Variants in TIAM2 observed in about 807,000 individuals in gnomAD.
TIAM2 encodes TIAM Rac1 associated GEF 2.
TIAM2 carries 80 observed loss-of-function variants against 152.9 expected under a neutral mutation model. The observed-to-expected ratio is 0.52, with a 90% CI of 0.44 to 0.63. The LOEUF is 0.63. TIAM2 is among the 30% of genes least tolerant of loss of function. The pLI is 0.00. For synonymous variants in TIAM2, 804 were observed against 838.0 expected (o/e 0.96, Z 0.70); for missense variants, 1,965 against 2,120.1 (o/e 0.93, Z 1.44).
intron 15 of TIAM2, chr6:155,232,792 T>C (rs1291572258): frequency 6.6e-6 from 1 of 152,204 alleles, no homozygotes; most frequent in Non-Finnish European, 1.5e-5. Context: ...CGTGGCAGTC[T>C]CTTTCCTAGT....
Position 155,163,581 on chromosome 6 carries a change from A to G in TIAM2, c.2029-834A>G, listed in dbSNP as rs143009486. ...GTACAGATGGCAGTTATTCTCCAAG[A>G]TACTTACTTAGGAGTATACTCAGTA... On this transcript the variant is annotated intron_variant, in intron 7 of 26. Transcript: ENST00000682666. Among the ~76,000 whole-genome samples, 5 of 152,310 alleles carry G rather than the reference A, an allele frequency of 3.3e-5. No individual in the cohort carries two copies. In the East Asian group the frequency reaches 9.6e-4, roughly 29 times the overall value.
At chr6:155,232,308 T>A (rs1484345179) in intron 15 of TIAM2, among the ~76,000 whole-genome samples, 2 of 152,170 alleles carry the variant, frequency 1.3e-5, no homozygotes, top group Non-Finnish European at 2.9e-5. Context: ...CTTTTCTGAC[T>A]TAATGAATTT....
intron 12 of TIAM2, among the ~76,000 whole-genome samples, chr6:155,181,509 T>C (rs1315042934): frequency 2.6e-5 from 4 of 152,252 alleles, no homozygotes; most frequent in Non-Finnish European, 5.9e-5. Flanking sequence ...TGACCACTTT[T>C]AGGTGTACAG....
At chr6:155,038,041 A>G (rs1776954335) in intron 1 of TIAM2, among the ~76,000 whole-genome samples, 2 of 152,108 alleles carry the variant, frequency 1.3e-5, no homozygotes, top group African/African-American at 4.8e-5. Context: ...AGAGTTTAAG[A>G]TTTTCCTTCT....
At chr6:155,249,597 T>TA (rs1170189363) in intron 20 of TIAM2, among the ~76,000 whole-genome samples, 16 of 152,344 alleles carry the variant, frequency 1.1e-4, no homozygotes, top group Non-Finnish European at 1.5e-5. Context: ...TGTCAGTTGT[T>TA]GTTATTAGTG....
At chr6:155,173,432 T>G (rs1442968664) in intron 9 of TIAM2, among the ~76,000 whole-genome samples, 1 of 152,218 alleles carries the variant, frequency 6.6e-6, no homozygotes, top group Non-Finnish European at 1.5e-5. Flanking sequence ...CTTTTGTCCT[T>G]CCATCCTTCC....
rs564432220 is a variant in TIAM2, at chr6:155,228,815, G to A, written c.3169-11715G>A. ...GCCCGACGCTCCTCCTGTTCCCACC[G>A]CTCTGGCACCAGCTGCTCAGTTGCT... On this transcript the variant is annotated intron_variant, in intron 15 of 26. Transcript: ENST00000682666. 3.9e-4 allele frequency among the ~76,000 whole-genome samples: 59 copies of A among 152,278 alleles called. 1 individual carries two copies. The highest frequency in any genetic ancestry group is 1.3e-3 in the African/African-American group (56 of 41,554).
At chr6:155,004,646 G>A (rs139453007) in intron 1 of TIAM2, among the ~76,000 whole-genome samples, 7,902 of 152,108 alleles carry the variant, frequency 0.052, 621 homozygotes, top group African/African-American at 0.17. Flanking sequence ...TGCCCGCCTC[G>A]GTCTCCCAAA....
At chr6:155,100,550 C>G (rs2114992150) in intron 2 of TIAM2, among the ~76,000 whole-genome samples, 1 of 152,274 alleles carries the variant, frequency 6.6e-6, no homozygotes, top group South Asian at 2.1e-4. Context: ...ACTGTCACCT[C>G]CCATTCATTA....
chr6:155,105,139 G>A (rs960751562), intron 2 of TIAM2, among the ~76,000 whole-genome samples: 1 of 151,884 alleles, frequency 6.6e-6, no homozygotes, highest in Admixed American at 6.6e-5. Flanking sequence ...TGTATTTTTA[G>A]TAGAGATGGG....
At position 155,106,150 on chromosome 6, in the gene TIAM2, G is replaced by A. The variant is rs559505792; in HGVS notation, c.-118+15771G>A. On this transcript the variant is annotated intron_variant, in intron 2 of 26. Coordinates refer to ENST00000682666, the MANE Select transcript of TIAM2 (RefSeq NM_012454.4). ...CTCCTGAGTAGCTGGGATTACAGGC[G>A]TGTATCACCACACCTGGCTAATTTT... Among the ~76,000 whole-genome samples, 10 of 151,900 alleles carry A rather than the reference G, an allele frequency of 6.6e-5. No individual in the cohort carries two copies. The South Asian group carries it at 1.2e-3, about 19-fold the overall frequency.
chr6:155,164,133 G>GTTTTTTTTTTTTTTGTTTTTT (rs375238178), intron 7 of TIAM2, among the ~76,000 whole-genome samples: 1 of 118,004 alleles, frequency 8.5e-6, no homozygotes, highest in Non-Finnish European at 1.7e-5. Context: ...TAATTTTTGT[G>GTTTTTTTTTTTTTTGTTTTTT]TTTTTTTTTT....
intron 1 of TIAM2, among the ~76,000 whole-genome samples, chr6:155,088,375 C>G (rs1778221161): frequency 6.6e-6 from 1 of 152,082 alleles, no homozygotes; most frequent in African/African-American, 2.4e-5. Context: ...GCCACTGCAC[C>G]CGGCCCCGGT....
intron 1 of TIAM2, among the ~76,000 whole-genome samples, chr6:155,021,016 T>C (rs537393303): frequency 2.0e-5 from 3 of 152,334 alleles, no homozygotes; most frequent in African/African-American, 7.2e-5. Context: ...TTGCTTAGCG[T>C]GATGTCCTCA....
chr6:155,119,058 G>A (rs368155761), intron 2 of TIAM2, among the ~76,000 whole-genome samples: 1 of 149,586 alleles, frequency 6.7e-6, no homozygotes, highest in African/African-American at 2.5e-5. Flanking sequence ...TTTTTTTGAC[G>A]GAGTCTTGCT....
At chr6:155,180,714 C>T (rs1456688199) in intron 12 of TIAM2, among the ~76,000 whole-genome samples, 1 of 152,070 alleles carries the variant, frequency 6.6e-6, no homozygotes, top group Admixed American at 6.6e-5. Context: ...GCAATTCTCC[C>T]TGCCTCAGCC....
chr6:155,252,905 A>T (rs1363941543), intron 23 of TIAM2, 43 bp from the exon 24 acceptor site: 4 of 1,552,564 alleles, frequency 2.6e-6, no homozygotes. Flanking sequence ...TCCCTCAGTG[A>T]CAGCTTCCCT....
At chr6:155,111,843 C>T (rs1778858794) in intron 2 of TIAM2, among the ~76,000 whole-genome samples, 1 of 152,210 alleles carries the variant, frequency 6.6e-6, no homozygotes, top group African/African-American at 2.4e-5. Context: ...ACTGATTCCT[C>T]TCTGCTCCCC....
intron 9 of TIAM2, among the ~76,000 whole-genome samples, chr6:155,171,723 C>T (rs1054364320): frequency 3.3e-5 from 5 of 152,202 alleles, no homozygotes; most frequent in Non-Finnish European, 5.9e-5. Context: ...TATATGCATA[C>T]AGCTAGCGAG....
Sources: gnomAD v4.1 joint callset for allele counts (sites outside exome capture counted in the v4.1 genomes callset) on GRCh38, gnomAD v4.1.1 for gene constraint, MANE v1.5 for transcripts, NCBI Gene and HGNC (gene_info 2026-07-23, HGNC 2026-07-21) for gene names.